BNC2: variants seen among roughly 807,000 people sequenced by gnomAD.
BNC2 encodes basonuclin zinc finger protein 2.
BNC2 carries 20 observed loss-of-function variants against 76.3 expected under a neutral mutation model. That is an observed-to-expected ratio of 0.26 (90% CI 0.18 to 0.38). The LOEUF is 0.38. Among genes scored for constraint, BNC2 ranks in the 10% least tolerant of loss-of-function variants. The pLI, the probability that BNC2 is intolerant of heterozygous loss-of-function variation, is 1.00. For synonymous variants in BNC2, 582 were observed against 514.8 expected (o/e 1.13, Z -1.77); for missense variants, 1,382 against 1,399.8 (o/e 0.99, Z 0.20).
At chr9:16,606,619 A>ACC (rs1327959793) in intron 3 of BNC2, among the ~76,000 whole-genome samples, 69 of 151,586 alleles carry the variant, frequency 4.6e-4, no homozygotes, top group African/African-American at 1.6e-3. Flanking sequence ...TGCAACCTCC[A>ACC]CCCCACAACG....
At chr9:16,532,608 T>C (rs1347350205) in intron 5 of BNC2, among the ~76,000 whole-genome samples, 2 of 152,090 alleles carry the variant, frequency 1.3e-5, no homozygotes, top group African/African-American at 4.8e-5. Context: ...ACAGACGACA[T>C]TAAAAATTAA....
chr9:16,510,680 A>G (rs537979970), intron 5 of BNC2, among the ~76,000 whole-genome samples: 2 of 152,338 alleles, frequency 1.3e-5, no homozygotes, highest in Admixed American at 1.3e-4. Flanking sequence ...ACTATGGCAC[A>G]TGACAGGATA....
chr9:16,482,450 A>C (rs1822076969), intron 5 of BNC2, among the ~76,000 whole-genome samples: 1 of 150,782 alleles, frequency 6.6e-6, no homozygotes, highest in Non-Finnish European at 1.5e-5. Flanking sequence ...ACTCAAACTA[A>C]TAGGCAGAAA....
At chr9:16,470,176 T>G (rs1821792431) in intron 5 of BNC2, among the ~76,000 whole-genome samples, 1 of 151,768 alleles carries the variant, frequency 6.6e-6, no homozygotes, top group African/African-American at 2.4e-5. Context: ...TTTTTATATT[T>G]TTAGTATAGA....
In BNC2 at chr9:16,441,050, G is replaced by A. The variant is rs568154120; in HGVS notation, c.670-3526C>T. On this transcript the variant is annotated intron_variant, in intron 5 of 6. Transcript: ENST00000380672. The stretch of plus-strand genomic sequence containing the variant: ...TTCCAAAGAAGTCATCATTGGCTGC[G>A]CGTTGTGGCTCATGCCTATAATCCC... Among the ~76,000 whole-genome samples, 442 of 152,134 alleles carry A rather than the reference G, an allele frequency of 2.9e-3. 2 individuals are homozygous for A. The highest frequency in any genetic ancestry group is 0.027 in the Middle Eastern group (8 of 294).
At chr9:16,461,497 G>A (rs763139026) in intron 5 of BNC2, among the ~76,000 whole-genome samples, 2 of 151,246 alleles carry the variant, frequency 1.3e-5, no homozygotes, top group South Asian at 2.1e-4. Context: ...TCCTCTAAGA[G>A]CCTCCTAAGT....
chr9:16,790,319 C>A (rs1258108131), intron 1 of BNC2, among the ~76,000 whole-genome samples: 1 of 152,126 alleles, frequency 6.6e-6, no homozygotes, highest in East Asian at 1.9e-4. Context: ...TAATAATCAA[C>A]AGAAATATTA....
intron 6 of BNC2, among the ~76,000 whole-genome samples, chr9:16,423,548 A>G (rs1820748804): frequency 1.3e-5 from 2 of 152,188 alleles, no homozygotes; most frequent in Admixed American, 1.3e-4. Context: ...AAAGTAGAAT[A>G]CTTTGCACAG....
chr9:16,487,197 G>A (rs1379930185), intron 5 of BNC2, among the ~76,000 whole-genome samples: 1 of 152,188 alleles, frequency 6.6e-6, no homozygotes, highest in Non-Finnish European at 1.5e-5. Flanking sequence ...ACAGTCTTGA[G>A]GGGGTCAAAC....
chr9:16,521,459 C>T (rs772750787), intron 5 of BNC2, among the ~76,000 whole-genome samples: 8 of 152,246 alleles, frequency 5.3e-5, no homozygotes, highest in East Asian at 3.9e-4. Flanking sequence ...TGGCAGTATT[C>T]GTCATATACT....
chr9:16,799,611 C>CA (rs1406878332), intron 1 of BNC2, among the ~76,000 whole-genome samples: 1 of 151,994 alleles, frequency 6.6e-6, no homozygotes, highest in Non-Finnish European at 1.5e-5. Flanking sequence ...ACAAGAAGGG[C>CA]AAAATAGCCC....
At chr9:16,773,753 G>C (rs1316881862) in intron 1 of BNC2, among the ~76,000 whole-genome samples, 1 of 152,130 alleles carries the variant, frequency 6.6e-6, no homozygotes, top group Non-Finnish European at 1.5e-5. Flanking sequence ...CAGCTGCTGG[G>C]TGTTGCTGTA....
intron 3 of BNC2, among the ~76,000 whole-genome samples, chr9:16,668,554 T>A (rs553806170): frequency 6.6e-6 from 1 of 152,234 alleles, no homozygotes; most frequent in Non-Finnish European, 1.5e-5. Context: ...CTCTAAGCTA[T>A]GATTAGTTCA....
intron 3 of BNC2, among the ~76,000 whole-genome samples, chr9:16,597,909 A>G (rs1438135024): frequency 2.6e-5 from 4 of 152,106 alleles, no homozygotes; most frequent in African/African-American, 4.8e-5. Flanking sequence ...AGTTAAATCC[A>G]TATATTGGGA....
In BNC2 at chr9:16,623,706, T is replaced by C. The variant is rs78059403; in HGVS notation, c.331-40621A>G. On this transcript the variant is annotated intron_variant, in intron 3 of 6. Transcript: ENST00000380672. ...ACTGAAGTGAGGCTGGATTAATTCA[T>C]AGTTGCTCTAATACCAGATGTATGT... Among the ~76,000 whole-genome samples, 16 of 152,332 alleles carry C rather than the reference T, an allele frequency of 1.1e-4. No homozygotes were observed. The East Asian group carries it at 2.9e-3, about 28-fold the overall frequency.
At chr9:16,500,385 T>C (rs1227523904) in intron 5 of BNC2, among the ~76,000 whole-genome samples, 2 of 152,178 alleles carry the variant, frequency 1.3e-5, no homozygotes, top group African/African-American at 4.8e-5. Context: ...TCTAAATGTA[T>C]AGCACTTGTC....
chr9:16,590,951 G>A (rs1819914072), intron 3 of BNC2, among the ~76,000 whole-genome samples: 1 of 152,170 alleles, frequency 6.6e-6, no homozygotes, highest in Admixed American at 6.5e-5. Flanking sequence ...TAGCATTGTG[G>A]ATGCAGAGAG....
chr9:16,752,396 T>C (rs576189876), intron 1 of BNC2, among the ~76,000 whole-genome samples: 1 of 144,450 alleles, frequency 6.9e-6, no homozygotes, highest in South Asian at 2.3e-4. Flanking sequence ...ATCTTCACAA[T>C]ATTAAAACAA....
chr9:16,752,652 T>C (rs552613707), intron 1 of BNC2, among the ~76,000 whole-genome samples: 1 of 3,996 alleles, frequency 2.5e-4, no homozygotes, highest in African/African-American at 3.5e-4. Context: ...AAATAATCTG[T>C]ATAGTTTTCT....
Sources: allele counts gnomAD v4.1 joint callset (sites outside exome capture counted in the v4.1 genomes callset), GRCh38; gene constraint gnomAD v4.1.1; transcripts MANE v1.5; gene names NCBI Gene and HGNC (gene_info 2026-07-23, HGNC 2026-07-21).